Variants in MYH10 observed in about 807,000 individuals in gnomAD.
The protein encoded by MYH10 is myosin heavy chain 10.
Under a neutral mutation model 257.8 loss-of-function variants are expected in MYH10, and 55 were observed. The ratio of observed to expected loss-of-function variants is 0.21; its 90% CI spans 0.17 to 0.27. The LOEUF (loss-of-function observed/expected upper bound fraction) is 0.27, where lower values mean the gene tolerates loss of function less well. Among genes scored for constraint, MYH10 ranks in the 10% least tolerant of loss-of-function variants. The probability of loss-of-function intolerance (pLI) is 1.00; values close to 1 mark genes in which losing one functional copy is unlikely to be tolerated. For synonymous variants in MYH10, 854 were observed against 921.7 expected, an observed-to-expected ratio of 0.93 and a Z score of 1.33; for missense variants, 1,631 against 2,500.6, an observed-to-expected ratio of 0.65 and a Z score of 7.42.
intron 17 of MYH10, among the ~76,000 whole-genome samples, chr17:8,524,449 CAAAAAAAAAAAAAAAAAAAAAAAAA>C (rs541255427): frequency 3.9e-4 from 24 of 62,126 alleles, no homozygotes; most frequent in African/African-American, 1.4e-3. Flanking sequence ...GACTCTGTCT[CAAAAAAAAAAAAAAAAAAAAAAAAA>C]AAAAAAAAAA....
chr17:8,509,737 A>T (rs1237461385), intron 25 of MYH10, 75 bp downstream of exon 25: 55 of 1,355,744 alleles, frequency 4.1e-5, no homozygotes, highest in Non-Finnish European at 5.3e-5. Flanking sequence ...TTCACTTTCA[A>T]TGAGTGTATC....
chr17:8,502,152 G>C (rs1293676622), intron 28 of MYH10, among the ~76,000 whole-genome samples: 1 of 152,156 alleles, frequency 6.6e-6, no homozygotes, highest in Non-Finnish European at 1.5e-5. Flanking sequence ...ACTGATTCCC[G>C]TGTGGACACA....
In MYH10 at chr17:8,545,351, T is replaced by TG; in HGVS notation, c.1431+96dup. ...ACTAGAATGGCAGGGACTGTATCCC[T>TG]GGTGCCTCGTATGTACTGGGCACAC... On this transcript the variant is annotated intron_variant, in intron 13 of 42. Transcript: ENST00000360416. This position sits in a 1 kb window ranked among gnomAD's most constrained non-coding sequence, Gnocchi z 4.7. 1 of 1,340,840 alleles carries TG rather than the reference T, an allele frequency of 7.5e-7. No homozygotes were observed. The highest frequency in any genetic ancestry group is 1.0e-6 in the Non-Finnish European group (1 of 962,828). 83.1% of individuals were successfully genotyped at this position (1,340,840 alleles called of 1,614,324 possible). A position where few individuals can be genotyped will look rare whatever the true frequency, so the allele number is the denominator to read the frequency against.
chr17:8,511,437 T>G (rs2081291817), intron 24 of MYH10, among the ~76,000 whole-genome samples: 1 of 152,114 alleles, frequency 6.6e-6, no homozygotes, highest in African/African-American at 2.4e-5. Context: ...AGGGAATCAC[T>G]TGAACCGAGG....
At chr17:8,516,676 T>C (rs918629994) in intron 21 of MYH10, among the ~76,000 whole-genome samples, 2 of 152,250 alleles carry the variant, frequency 1.3e-5, no homozygotes, top group African/African-American at 2.4e-5. Context: ...TTGTAGCATG[T>C]TTCTGGCAGA....
intron 9 of MYH10, among the ~76,000 whole-genome samples, chr17:8,551,044 T>C (rs2082625221): frequency 6.6e-6 from 1 of 151,088 alleles, no homozygotes; most frequent in Admixed American, 6.6e-5. Flanking sequence ...ACCGGAGACC[T>C]TTGTTCACTT....
intron 27 of MYH10, among the ~76,000 whole-genome samples, chr17:8,505,278 G>T (rs1431767430): frequency 1.3e-5 from 2 of 152,190 alleles, no homozygotes; most frequent in Admixed American, 1.3e-4. Context: ...AACTATGAAG[G>T]AGTGACCTCC....
At position 8,475,571 on chromosome 17, in the gene MYH10, A is replaced by G. The variant is rs1050268004; in HGVS notation, c.*233T>C. The G allele has an allele frequency of 4.2e-6, 2 of 471,326 alleles. No individual in the cohort carries two copies. Among genetic ancestry groups the G allele is most frequent in the South Asian group, 3.9e-5 (1 of 25,798 alleles). The allele number at this position is 471,326 out of a possible 1,614,324, so 29.2% of individuals were successfully genotyped here. A position where few individuals can be genotyped will look rare whatever the true frequency, so the allele number is the denominator to read the frequency against. ...GATGACTATATGGAAAATAGATGCA[A>G]TGATGAAACAATCTGTTTAATATAT... is the stretch of plus-strand genomic sequence containing the variant. On this transcript the variant is annotated 3_prime_UTR_variant, in exon 43 of 43. Coordinates refer to ENST00000360416, the MANE Select transcript of MYH10 (RefSeq NM_001256012.3).
At chr17:8,498,032 A>G (rs1597653251) in intron 30 of MYH10, among the ~76,000 whole-genome samples, 1 of 117,264 alleles carries the variant, frequency 8.5e-6, no homozygotes, top group African/African-American at 3.3e-5. Context: ...TCCAGGCTGG[A>G]GTGCAGTGGC....
intron 3 of MYH10, among the ~76,000 whole-genome samples, chr17:8,598,127 G>A (rs569903928): frequency 2.0e-4 from 30 of 152,254 alleles, no homozygotes; most frequent in African/African-American, 6.5e-4. Context: ...GACTACAGTC[G>A]CATGCCACCC....
chr17:8,593,040 G>C (rs2084232478), intron 3 of MYH10, among the ~76,000 whole-genome samples: 1 of 142,266 alleles, frequency 7.0e-6, no homozygotes, highest in Non-Finnish European at 1.5e-5. Context: ...ACATCCCAAA[G>C]GTGAATAATC....
rs746576510 is a variant in MYH10 at position 8,520,872 on chromosome 17, C to T, written c.2273+6G>A. On this transcript the variant is annotated splice_donor_region_variant and intron_variant, in intron 19 of 42. Coordinates refer to ENST00000360416, the MANE Select transcript of MYH10 (RefSeq NM_001256012.3). Reference sequence around the variant, plus strand: ...CATAAGCAAAAAAAGTAAAAGTTAGCAATACCTCTGTCTGAATTCCTGGAA... The same window carrying T: ...CATAAGCAAAAAAAGTAAAAGTTAGTAATACCTCTGTCTGAATTCCTGGAA... 5.0e-5 allele frequency: 80 copies of T among 1,598,106 alleles called. No individual in the cohort carries two copies. The highest frequency in any genetic ancestry group is 6.3e-5 in the Non-Finnish European group (74 of 1,174,064).
intron 3 of MYH10, among the ~76,000 whole-genome samples, chr17:8,601,794 A>C (rs1315455597): frequency 6.6e-6 from 1 of 152,256 alleles, no homozygotes; most frequent in Non-Finnish European, 1.5e-5. Flanking sequence ...ATTTTGATAC[A>C]GTATCCCCTA....
intron 14 of MYH10, among the ~76,000 whole-genome samples, chr17:8,538,895 G>C (rs999656440): frequency 1.3e-5 from 2 of 152,164 alleles, no homozygotes; most frequent in Non-Finnish European, 2.9e-5. Context: ...TCCTAATGCA[G>C]CCGTGTTGAG....
intron 40 of MYH10, 118 bp downstream of exon 40, chr17:8,479,992 T>A: frequency 1.1e-6 from 1 of 926,902 alleles, no homozygotes; most frequent in Non-Finnish European, 1.6e-6. Flanking sequence ...TGTCCCACTC[T>A]GGTTATATGT....
In MYH10 at chr17:8,504,185, C is replaced by T. The variant is rs1317302335; in HGVS notation, c.3599+509G>A. On this transcript the variant is annotated intron_variant, in intron 28 of 42. Transcript: ENST00000360416. This position sits in a 1 kb window ranked among gnomAD's most constrained non-coding sequence, Gnocchi z 5.6. ...CTGGCTCATGATGCTGCATATGCCT[C>T]TGCCCACTGCACACTCTGTCCCAGT... Among the ~76,000 whole-genome samples the T allele has an allele frequency of 6.6e-6, 1 of 152,212 alleles. No homozygotes were observed. Among genetic ancestry groups the T allele is most frequent in the Non-Finnish European group, 1.5e-5 (1 of 68,032 alleles).
chr17:8,596,952 A>C lies in MYH10; in HGVS notation c.503-7844T>G, dbSNP rs147729341. On this transcript the variant is annotated intron_variant, in intron 3 of 42. Coordinates refer to ENST00000360416, the MANE Select transcript of MYH10 (RefSeq NM_001256012.3). The stretch of plus-strand genomic sequence containing the variant: ...TCTAGATTACGTAAGGGCAAAGGCA[A>C]GTCTAAAGAAACAAGCACGAACTGG... Among the ~76,000 whole-genome samples the C allele has an allele frequency of 2.5e-3, 374 of 152,314 alleles. 2 individuals are homozygous for C. Among genetic ancestry groups the C allele is most frequent in the African/African-American group, 8.2e-3 (342 of 41,570 alleles).
At chr17:8,559,240 A>G (rs1307577356) in intron 7 of MYH10, among the ~76,000 whole-genome samples, 1 of 152,168 alleles carries the variant, frequency 6.6e-6, no homozygotes, top group African/African-American at 2.4e-5. Context: ...CGGTTCATCC[A>G]ATGTTTGTGA....
intron 41 of MYH10, 50 bp downstream of exon 41, chr17:8,478,288 C>T (rs1426488276): frequency 1.3e-6 from 2 of 1,485,896 alleles, no homozygotes; most frequent in African/African-American, 2.8e-5. Context: ...GCTCATTCTC[C>T]ACCAGTTCCT....
Sources: gnomAD v4.1 joint callset for allele counts (sites outside exome capture counted in the v4.1 genomes callset) on GRCh38, gnomAD v4.1.1 for gene constraint, Gnocchi (gnomAD v3.1) non-coding constraint, MANE v1.5 for transcripts, NCBI Gene and HGNC (gene_info 2026-07-23, HGNC 2026-07-21) for gene names.